The following SHLD1 variants were observed in gnomAD, a reference collection of about 807,000 sequenced individuals.
SHLD1 encodes shieldin complex subunit 1, also known as RINN1-REV7-interacting novel NHEJ regulator 3.
In SHLD1, 3 loss-of-function variants were observed where a neutral mutation model predicts 5.5. The ratio of observed to expected loss-of-function variants is 0.54; its 90% CI spans 0.25 to 1.40. The LOEUF (loss-of-function observed/expected upper bound fraction) is 1.40. Among genes scored for constraint, SHLD1 ranks in the 40% most tolerant of loss-of-function variants. SHLD1 has a pLI of 0.15. For missense variants in SHLD1, 210 were observed against 244.4 expected, an observed-to-expected ratio of 0.86 and a Z score of 0.94; for synonymous variants, 92 against 94.3, an observed-to-expected ratio of 0.98 and a Z score of 0.14.
At chr20:5,777,481 C>T (rs1985484078) in intron 2 of SHLD1, among the ~76,000 whole-genome samples, 2 of 151,968 alleles carry the variant, frequency 1.3e-5, no homozygotes, top group African/African-American at 4.8e-5. Context: ...TGCTTTGTTG[C>T]CCAGGCTGAA....
chr20:5,774,166 T>C (rs964370434), intron 2 of SHLD1, among the ~76,000 whole-genome samples: 4 of 152,116 alleles, frequency 2.6e-5, no homozygotes, highest in Admixed American at 6.6e-5. Flanking sequence ...ATCGTGCCAC[T>C]TCACTCCAGT....
intron 2 of SHLD1, among the ~76,000 whole-genome samples, chr20:5,801,784 T>C (rs1386353923): frequency 1.3e-5 from 2 of 152,110 alleles, no homozygotes; most frequent in East Asian, 3.9e-4. Flanking sequence ...GGGAGATTGA[T>C]TCCCCCGCCC....
intron 2 of SHLD1, among the ~76,000 whole-genome samples, chr20:5,788,793 C>G (rs2087096935): frequency 6.6e-6 from 1 of 152,096 alleles, no homozygotes; most frequent in African/African-American, 2.4e-5. Flanking sequence ...TTCATTTATC[C>G]AGCTGGGTTG....
chr20:5,803,281 G>T (rs1247668821), intron 2 of SHLD1, among the ~76,000 whole-genome samples: 3 of 151,876 alleles, frequency 2.0e-5, no homozygotes, highest in Non-Finnish European at 4.4e-5. Context: ...ACCTACCTCA[G>T]CCTCCCAGGT....
intron 1 of SHLD1, chr20:5,771,960 C>T (rs994133925): frequency 9.2e-6 from 4 of 433,912 alleles, no homozygotes; most frequent in South Asian, 3.2e-5. Flanking sequence ...CTGCAACCTC[C>T]GCTTCGCAAG....
chr20:5,813,423 G>A (rs1241488487), intron 2 of SHLD1, among the ~76,000 whole-genome samples: 1 of 152,162 alleles, frequency 6.6e-6, no homozygotes, highest in Non-Finnish European at 1.5e-5. Context: ...CCAGGAGGTG[G>A]AGGTGCAGTG....
chr20:5,769,221 T>C (rs1385277035), intron 1 of SHLD1, among the ~76,000 whole-genome samples: 8 of 152,244 alleles, frequency 5.3e-5, no homozygotes, highest in Non-Finnish European at 8.8e-5. Flanking sequence ...CAAATATTCT[T>C]GTAGGCCTTG....
In SHLD1 at chr20:5,848,174, A is replaced by C. The variant is rs143565462; in HGVS notation, c.179-14850A>C. Reference sequence around the variant, plus strand: ...TTGAAAGTTAAAATGACTACCACACACAAAGCAACACTCTTGCATATGGAT... The same window carrying C: ...TTGAAAGTTAAAATGACTACCACACCCAAAGCAACACTCTTGCATATGGAT... On this transcript the variant is annotated intron_variant, in intron 2 of 2. Coordinates refer to ENST00000303142, the MANE Select transcript of SHLD1 (RefSeq NM_152504.4). 2.2e-3 allele frequency among the ~76,000 whole-genome samples: 331 copies of C among 152,342 alleles called. 5 individuals carry two copies. Among genetic ancestry groups the C allele is most frequent in the African/African-American group, 7.6e-3 (315 of 41,582 alleles).
chr20:5,755,607 T>C (rs1255390912), intron 1 of SHLD1, among the ~76,000 whole-genome samples: 1 of 152,026 alleles, frequency 6.6e-6, no homozygotes, highest in South Asian at 2.1e-4. Flanking sequence ...TTGCCCAGGC[T>C]GGAGTGGAAT....
At chr20:5,823,572 C>G (rs2087632814) in intron 2 of SHLD1, among the ~76,000 whole-genome samples, 1 of 151,742 alleles carries the variant, frequency 6.6e-6, no homozygotes, top group South Asian at 2.1e-4. Context: ...CTCAGCCTTC[C>G]TAGTAGCTGG....
chr20:5,764,174 A>ATATTTTTATATATATATATATATATT (rs1555768334), intron 1 of SHLD1, among the ~76,000 whole-genome samples: 1 of 99,486 alleles, frequency 1.0e-5, no homozygotes, highest in African/African-American at 4.4e-5. Context: ...ATATATATAT[A>ATATTTTTATATATATATATATATATT]TTTTTATATA....
At chr20:5,819,730 G>A (rs1261895233) in intron 2 of SHLD1, among the ~76,000 whole-genome samples, 1 of 152,194 alleles carries the variant, frequency 6.6e-6, no homozygotes, top group Non-Finnish European at 1.5e-5. Context: ...GTTGAGGCAG[G>A]AGGATGGCTT....
intron 2 of SHLD1, among the ~76,000 whole-genome samples, chr20:5,844,799 A>ATTTTTTTTTTTTTTTTT (rs1161478171): frequency 2.8e-5 from 2 of 71,692 alleles, no homozygotes; most frequent in East Asian, 7.4e-4. Flanking sequence ...ATATATATAT[A>ATTTTTTTTTTTTTTTTT]TTTTTTTTTT....
intron 1 of SHLD1, chr20:5,771,984 C>T (rs1337725223): frequency 2.3e-6 from 1 of 429,748 alleles, no homozygotes; most frequent in Admixed American, 2.6e-5. Flanking sequence ...AAGGGATTCT[C>T]TTGCCTCTGA....
At position 5,863,961 on chromosome 20, in the gene SHLD1, GC is replaced by G. The variant is rs1300196110; in HGVS notation, c.*499del. Reference sequence around the variant, plus strand: ...GGGAGAATTCACCCTGAGAGAACATGCTTCTGTGAGATGAGGTTTTAGAAGG... The same window carrying G: ...GGGAGAATTCACCCTGAGAGAACATGTTCTGTGAGATGAGGTTTTAGAAGG... On this transcript the variant is annotated 3_prime_UTR_variant, in exon 3 of 3. Coordinates refer to ENST00000303142, the MANE Select transcript of SHLD1 (RefSeq NM_152504.4). 6.5e-6 allele frequency: 1 copy of G among 153,228 alleles called. No individual in the cohort carries two copies. The highest frequency in any genetic ancestry group is 1.5e-5 in the Non-Finnish European group (1 of 68,896). The allele number at this position is 153,228 out of a possible 1,614,324, so 9.5% of individuals were successfully genotyped here. A position where few individuals can be genotyped will look rare whatever the true frequency, so the allele number is the denominator to read the frequency against.
chr20:5,857,380 G>A (rs958299137), intron 2 of SHLD1, among the ~76,000 whole-genome samples: 2 of 152,176 alleles, frequency 1.3e-5, no homozygotes, highest in African/African-American at 4.8e-5. Flanking sequence ...CAAGGAAGCG[G>A]GGCCTGGGAA....
rs536276697 is a variant in SHLD1, at chr20:5,753,941, A to G, written c.-5+3462A>G. ...TATTAGACTTTCCTCTCTTAAACAC[A>G]CTCCTTGTGTGTTAGCGTCTTTGAT... On this transcript the variant is annotated intron_variant, in intron 1 of 2. Coordinates refer to ENST00000303142, the MANE Select transcript of SHLD1 (RefSeq NM_152504.4). Among the ~76,000 whole-genome samples the G allele has an allele frequency of 4.6e-5, 7 of 151,060 alleles. 1 individual carries two copies. In the South Asian group the frequency reaches 1.5e-3, roughly 32 times the overall value.
At chr20:5,796,238 G>C (rs1408334817) in intron 2 of SHLD1, among the ~76,000 whole-genome samples, 2 of 151,918 alleles carry the variant, frequency 1.3e-5, no homozygotes, top group South Asian at 4.2e-4. Context: ...TTTATTACAA[G>C]ACCTCAGAGT....
intron 1 of SHLD1, among the ~76,000 whole-genome samples, chr20:5,764,414 G>A (rs1984707771): frequency 2.0e-5 from 3 of 150,386 alleles, no homozygotes; most frequent in East Asian, 2.0e-4. Context: ...TAAAGGCCAA[G>A]TGAGGTGGCT....
Sources: allele counts gnomAD v4.1 joint callset (sites outside exome capture counted in the v4.1 genomes callset), GRCh38; gene constraint gnomAD v4.1.1; transcripts MANE v1.5; gene names NCBI Gene and HGNC (gene_info 2026-07-23, HGNC 2026-07-21).